The following SGMS1 variants were observed in gnomAD, a reference collection of about 807,000 sequenced individuals.
The protein encoded by SGMS1 is sphingomyelin synthase 1.
SGMS1 carries 13 observed loss-of-function variants against 46.2 expected under a neutral mutation model. The ratio of observed to expected loss-of-function variants is 0.28; its 90% CI spans 0.18 to 0.45. The LOEUF (loss-of-function observed/expected upper bound fraction) is 0.45. Ranked by LOEUF, SGMS1 falls within the 20% of genes least tolerant of loss-of-function variation. The pLI is 1.00. For synonymous variants in SGMS1, 203 were observed against 187.8 expected (o/e 1.08, Z -0.66); for missense variants, 324 against 519.9 (o/e 0.62, Z 3.66).
intron 6 of SGMS1, among the ~76,000 whole-genome samples, chr10:50,384,191 A>G (rs922834326): frequency 1.3e-5 from 2 of 152,164 alleles, no homozygotes; most frequent in Admixed American, 6.5e-5. Context: ...ACTAAGACAC[A>G]TGGGCCTTGG....
chr10:50,570,493 T>A (rs1838327433), intron 2 of SGMS1, among the ~76,000 whole-genome samples: 1 of 152,156 alleles, frequency 6.6e-6, no homozygotes, highest in Non-Finnish European at 1.5e-5. Context: ...ACATGTGAAA[T>A]TCTTTTTAAA....
chr10:50,426,282 T>C (rs756792569), intron 6 of SGMS1, among the ~76,000 whole-genome samples: 43 of 152,290 alleles, frequency 2.8e-4, no homozygotes, highest in Non-Finnish European at 5.4e-4. Flanking sequence ...AAGAGAAAAT[T>C]AAAATTGGAA....
At chr10:50,574,507 G>A (rs534910210) in intron 2 of SGMS1, among the ~76,000 whole-genome samples, 1 of 152,310 alleles carries the variant, frequency 6.6e-6, no homozygotes, top group South Asian at 2.1e-4. Context: ...TGCTAGTAAG[G>A]TCAGGGAGAA....
chr10:50,624,619 C>T (rs1304775309), upstream of SGMS1: 36 of 985,328 alleles, frequency 3.7e-5, no homozygotes, highest in South Asian at 4.7e-5. Context: ...TTCCGCCGCC[C>T]CTCCGAGCTG....
chr10:50,327,484 T>G (rs1847550161), intron 7 of SGMS1, among the ~76,000 whole-genome samples, 162 bp from the exon 8 acceptor site: 1 of 152,154 alleles, frequency 6.6e-6, no homozygotes, highest in South Asian at 2.1e-4. Context: ...AGACAAAGAT[T>G]TTGAGAATAA....
intron 1 of SGMS1, among the ~76,000 whole-genome samples, chr10:50,609,819 C>T (rs1220484382): frequency 6.6e-6 from 1 of 151,960 alleles, no homozygotes; most frequent in Non-Finnish European, 1.5e-5. Flanking sequence ...TTCAAAGCTA[C>T]CCTCTAGACC....
chr10:50,310,085 T>C (rs1268962518), intron 9 of SGMS1, among the ~76,000 whole-genome samples: 1 of 152,010 alleles, frequency 6.6e-6, no homozygotes, highest in African/African-American at 2.4e-5. Context: ...CCGATCTACA[T>C]CAGCTGAGAG....
chr10:50,329,213 G>T (rs915775075), intron 7 of SGMS1, among the ~76,000 whole-genome samples: 4 of 152,080 alleles, frequency 2.6e-5, no homozygotes, highest in Non-Finnish European at 5.9e-5. Context: ...TGACTTACAT[G>T]TAAGTACCAA....
At chr10:50,569,153 G>T (rs1454275182) in intron 2 of SGMS1, among the ~76,000 whole-genome samples, 2 of 151,998 alleles carry the variant, frequency 1.3e-5, no homozygotes, top group African/African-American at 4.8e-5. Context: ...GGCCTGTCGG[G>T]GGGTGGGAGC....
chr10:50,582,559 T>C (rs899992887), intron 2 of SGMS1, among the ~76,000 whole-genome samples: 2 of 152,190 alleles, frequency 1.3e-5, no homozygotes, highest in African/African-American at 4.8e-5. Context: ...CTCAGAATAC[T>C]GGATCTGATT....
chr10:50,410,287 A>G (rs1849078312), intron 6 of SGMS1, among the ~76,000 whole-genome samples: 1 of 152,200 alleles, frequency 6.6e-6, no homozygotes, highest in Non-Finnish European at 1.5e-5. Flanking sequence ...AGGGCATTCA[A>G]GGTGAAGACA....
intron 8 of SGMS1, among the ~76,000 whole-genome samples, chr10:50,318,316 CA>C (rs1293242999): frequency 2.0e-5 from 3 of 152,190 alleles, no homozygotes; most frequent in Admixed American, 6.5e-5. Flanking sequence ...TGGCTCTAGA[CA>C]AACCATTTTA....
intron 3 of SGMS1, among the ~76,000 whole-genome samples, chr10:50,476,347 G>T (rs74998492): frequency 6.8e-6 from 1 of 147,882 alleles, no homozygotes; most frequent in Non-Finnish European, 1.5e-5. Context: ...GGAAGGGAAG[G>T]GAACTGTTAT....
intron 2 of SGMS1, among the ~76,000 whole-genome samples, chr10:50,586,531 T>C (rs560779737): frequency 6.6e-6 from 1 of 152,350 alleles, no homozygotes; most frequent in Admixed American, 6.5e-5. Flanking sequence ...TAATGAACTT[T>C]AAATATTCAT....
chr10:50,404,476 G>C (rs1173376292), intron 6 of SGMS1, among the ~76,000 whole-genome samples: 1 of 152,070 alleles, frequency 6.6e-6, no homozygotes, highest in Non-Finnish European at 1.5e-5. Flanking sequence ...GGGCATCGTG[G>C]TGCATGCCTG....
intron 6 of SGMS1, among the ~76,000 whole-genome samples, chr10:50,376,920 A>G (rs1332155463): frequency 6.6e-6 from 1 of 152,178 alleles, no homozygotes; most frequent in African/African-American, 2.4e-5. Context: ...TACAGAAACA[A>G]TTTCCATGAA....
At chr10:50,603,579 T>G (rs10826243) in intron 1 of SGMS1, among the ~76,000 whole-genome samples, 59,951 of 151,908 alleles carry the variant, frequency 0.39, 12,283 homozygotes, top group African/African-American at 0.47. Flanking sequence ...TGAGATACAG[T>G]ATCAAAAACC....
At chr10:50,520,831 A>G (rs925179546) in intron 2 of SGMS1, among the ~76,000 whole-genome samples, 1 of 152,200 alleles carries the variant, frequency 6.6e-6, no homozygotes, top group East Asian at 1.9e-4. Context: ...GAAACACCTT[A>G]TCTTTTCTGC....
intron 3 of SGMS1, among the ~76,000 whole-genome samples, chr10:50,515,308 T>C (rs1410714010): frequency 4.6e-5 from 7 of 152,190 alleles, no homozygotes; most frequent in African/African-American, 1.7e-4. Context: ...CTAACTGACA[T>C]AAACCTATGA....
Sources: allele counts gnomAD v4.1 joint callset (sites outside exome capture counted in the v4.1 genomes callset), GRCh38; gene constraint gnomAD v4.1.1; transcripts MANE v1.5; gene names NCBI Gene and HGNC (gene_info 2026-07-23, HGNC 2026-07-21).